The following RUBCN variants were observed in gnomAD, a reference collection of about 807,000 sequenced individuals.
RUBCN encodes the protein rubicon autophagy regulator.
RUBCN carries 74 observed loss-of-function variants against 113.2 expected under a neutral mutation model. That is an observed-to-expected ratio of 0.65 (90% CI 0.54 to 0.79). The LOEUF is 0.79. RUBCN is among the 30% of genes least tolerant of loss of function. RUBCN has a pLI of 0.00. For missense variants in RUBCN, 1,109 were observed against 1,251.7 expected, an observed-to-expected ratio of 0.89 and a Z score of 1.72; for synonymous variants, 480 against 490.0, an observed-to-expected ratio of 0.98 and a Z score of 0.27.
chr3:197,725,739 C>T (rs1156928976), intron 1 of RUBCN, among the ~76,000 whole-genome samples: 1 of 152,030 alleles, frequency 6.6e-6, no homozygotes. Context: ...CTATTTAACA[C>T]CTGAGTAACA....
chr3:197,674,715 G>A lies in RUBCN; in HGVS notation c.*303C>T. ...AAGGCCACAGACGCTGGAAGAACTT[G>A]GTCTTGCTGTCTCTTCCACTGACAG... On this transcript the variant is annotated 3_prime_UTR_variant, in exon 20 of 20. Transcript: ENST00000296343. 2.2e-6 allele frequency: 1 copy of A among 454,204 alleles called. No homozygotes were observed. The highest frequency in any genetic ancestry group is 4.0e-6 in the Non-Finnish European group (1 of 250,596). The allele number at this position is 454,204 out of a possible 1,614,324, so 28.1% of individuals were successfully genotyped here.
In RUBCN at chr3:197,674,488, A is replaced by C. The variant is rs766244683; in HGVS notation, c.*530T>G. 2.1e-6 allele frequency: 1 copy of C among 477,596 alleles called. No individual in the cohort carries two copies. Among genetic ancestry groups the C allele is most frequent in the South Asian group, 1.6e-5 (1 of 63,574 alleles). 29.6% of individuals were successfully genotyped at this position (477,596 alleles called of 1,614,324 possible). ...CCCAAAATACCCAAATAAGTGGACGAAATGCCCATGACGTAGTCCTATTCT... is the reference window on the plus strand; with the variant it reads ...CCCAAAATACCCAAATAAGTGGACGCAATGCCCATGACGTAGTCCTATTCT... On this transcript the variant is annotated 3_prime_UTR_variant, in exon 20 of 20. Transcript: ENST00000296343.
chr3:197,737,039 C>G (rs943954980), upstream of RUBCN: 5 of 879,690 alleles, frequency 5.7e-6, no homozygotes, highest in South Asian at 2.8e-5. Context: ...TCCCGCAAGC[C>G]GCGCCCTCCA....
chr3:197,735,585 G>A (rs959486279), intron 1 of RUBCN, among the ~76,000 whole-genome samples: 8 of 152,120 alleles, frequency 5.3e-5, no homozygotes, highest in African/African-American at 1.9e-4. Context: ...AGTAGTTCGG[G>A]GTTTCTTTGG....
chr3:197,669,921 C>G lies in RUBCN; in HGVS notation c.*5097G>C, dbSNP rs1719629827. ...TTTTTTTGTTTGAGACAGAGTCCCACTCTGTTGCCCAGGGTGGAGTGCAGT... is the reference window on the plus strand; with the variant it reads ...TTTTTTTGTTTGAGACAGAGTCCCAGTCTGTTGCCCAGGGTGGAGTGCAGT... On this transcript the variant is annotated 3_prime_UTR_variant, in exon 20 of 20. Transcript: ENST00000296343. Among the ~76,000 whole-genome samples, 1 of 152,214 alleles carries G rather than the reference C, an allele frequency of 6.6e-6. No homozygotes were observed. The highest frequency in any genetic ancestry group is 1.5e-5 in the Non-Finnish European group (1 of 68,040).
chr3:197,718,122 T>G lies in RUBCN; in HGVS notation c.74A>C (p.His25Pro). Reference sequence around the variant, plus strand: ...CTTCAAATTACCCAGCAACTGCCAGTGCTCCCTCCTGCAAGGGCATCAGTT... The same window carrying G: ...CTTCAAATTACCCAGCAACTGCCAGGGCTCCCTCCTGCAAGGGCATCAGTT... ...ERLPEESRRE[H>P]WQLLGNLKTT... The change falls in exon 2 of 20, where the codon CAC becomes CCC. Residue 25 changes from histidine to proline, a missense_variant. By Grantham distance (77) the His-to-Pro change is moderately conservative. Coordinates refer to ENST00000296343, the MANE Select transcript of RUBCN (RefSeq NM_014687.4). The G allele has an allele frequency of 1.2e-6, 2 of 1,614,224 alleles. No individual in the cohort carries two copies. The highest frequency in any genetic ancestry group is 1.7e-6 in the Non-Finnish European group (2 of 1,180,034).
At chr3:197,686,721 G>A (rs549277451) in intron 11 of RUBCN, among the ~76,000 whole-genome samples, 1 of 152,328 alleles carries the variant, frequency 6.6e-6, no homozygotes, top group East Asian at 1.9e-4. Flanking sequence ...AAGGAGGTCC[G>A]AGACACTCAG....
chr3:197,714,589 C>T (rs1725311631), intron 2 of RUBCN, among the ~76,000 whole-genome samples: 1 of 152,130 alleles, frequency 6.6e-6, no homozygotes, highest in Non-Finnish European at 1.5e-5. Context: ...CTCAACTTCC[C>T]GAAGTGCTAG....
intron 1 of RUBCN, among the ~76,000 whole-genome samples, chr3:197,742,968 C>T (rs755405127): frequency 6.6e-6 from 1 of 152,238 alleles, no homozygotes; most frequent in Non-Finnish European, 1.5e-5. Context: ...AAGACTCCTG[C>T]CTTCCCTAGG....
chr3:197,725,773 T>C (rs1726673257), intron 1 of RUBCN, among the ~76,000 whole-genome samples: 1 of 152,146 alleles, frequency 6.6e-6, no homozygotes, highest in Admixed American at 6.5e-5. Flanking sequence ...ATTTCAACAA[T>C]CAGTGGATTT....
chr3:197,695,909 T>C lies in RUBCN; in HGVS notation c.1430A>G (p.Tyr477Cys). 1 of 1,614,042 alleles carries C rather than the reference T, an allele frequency of 6.2e-7. No homozygotes were observed. Among genetic ancestry groups the C allele is most frequent in the Non-Finnish European group, 8.5e-7 (1 of 1,179,998 alleles). ...RPSEGQSLIS[Y>C]LSEQDFGSCA... is the part of the protein sequence containing the mutation. ...GCTGCCGAAGTCTTGCTCAGAGAGG[T>C]AGCTGATGAGGGACTGTCCTTCTGA... The change falls in exon 9 of 20, where the codon TAC becomes TGC. Residue 477 changes from tyrosine to cysteine, a missense_variant. Tyr to Cys is a radical substitution (Grantham distance 194, BLOSUM62 -2). Transcript: ENST00000296343.
chr3:197,690,822 A>C (rs1202811879), intron 11 of RUBCN, among the ~76,000 whole-genome samples: 3 of 152,216 alleles, frequency 2.0e-5, no homozygotes, highest in African/African-American at 7.2e-5. Context: ...TAAATTTATC[A>C]CCATAGGGAA....
rs982049594 is a variant in RUBCN, at chr3:197,736,850, G to T, written c.-131C>A. On this transcript the variant is annotated 5_prime_UTR_variant, in exon 1 of 20. Transcript: ENST00000296343. Reference sequence around the variant, plus strand: ...GGGCTCCGGGTGATGCGCTACACCCGGGCGGCGACAGCGGGAGGGACCGCC... The same window carrying T: ...GGGCTCCGGGTGATGCGCTACACCCTGGCGGCGACAGCGGGAGGGACCGCC... 2 of 1,386,056 alleles carry T rather than the reference G, an allele frequency of 1.4e-6. No individual in the cohort carries two copies. The highest frequency in any genetic ancestry group is 2.9e-5 in the East Asian group (1 of 33,964). The allele number at this position is 1,386,056 out of a possible 1,614,324, so 85.9% of individuals were successfully genotyped here.
chr3:197,749,293 T>C, exon 1 of RUBCN: 2 of 1,098,204 alleles, frequency 1.8e-6, no homozygotes, highest in Non-Finnish European at 2.2e-6. Context: ...GCTGAGGTCT[T>C]ATTAGGGTAG....
At chr3:197,685,450 T>G (rs887273762) in intron 11 of RUBCN, among the ~76,000 whole-genome samples, 2 of 152,210 alleles carry the variant, frequency 1.3e-5, no homozygotes, top group Non-Finnish European at 2.9e-5. Context: ...TTCCTCTGTA[T>G]GCAGATTTTT....
intron 1 of RUBCN, among the ~76,000 whole-genome samples, chr3:197,745,679 C>T (rs1728713997): frequency 6.6e-6 from 1 of 151,388 alleles, no homozygotes; most frequent in Admixed American, 6.6e-5. Context: ...GAGTTTACTA[C>T]CTTTGAAGAA....
chr3:197,717,278 C>A (rs550983950), intron 2 of RUBCN, among the ~76,000 whole-genome samples: 1 of 151,816 alleles, frequency 6.6e-6, no homozygotes, highest in Admixed American at 6.6e-5. Context: ...CCCGTCTCTA[C>A]TAAAAAATAG....
At chr3:197,697,132 A>G in intron 7 of RUBCN, 83 bp from the exon 8 acceptor site, 1 of 754,550 alleles carries the variant, frequency 1.3e-6, no homozygotes, top group South Asian at 1.4e-5. Flanking sequence ...TTCAACACTT[A>G]ACTGCACCCC....
intron 1 of RUBCN, among the ~76,000 whole-genome samples, chr3:197,724,785 T>C (rs1163049177): frequency 6.6e-6 from 1 of 152,170 alleles, no homozygotes; most frequent in Non-Finnish European, 1.5e-5. Context: ...CATAAAAATA[T>C]GAAAAGAAAT....
Sources: allele counts gnomAD v4.1 joint callset (sites outside exome capture counted in the v4.1 genomes callset), GRCh38; gene constraint gnomAD v4.1.1; transcripts MANE v1.5; gene names NCBI Gene and HGNC (gene_info 2026-07-23, HGNC 2026-07-21).